CSMD1: variants seen among roughly 807,000 people sequenced by gnomAD.
CSMD1 encodes CUB and sushi domain-containing protein 1.
Under a neutral mutation model 417.5 loss-of-function variants are expected in CSMD1, and 213 were observed. The observed-to-expected ratio is 0.51, with a 90% CI of 0.46 to 0.57. The LOEUF (loss-of-function observed/expected upper bound fraction) is 0.57, where lower values mean the gene tolerates loss of function less well. Ranked by LOEUF, CSMD1 falls within the 20% of genes least tolerant of loss-of-function variation. The pLI is 0.00. For synonymous variants in CSMD1, 2,862 were observed against 1,736.8 expected (o/e 1.65, Z -16.11); for missense variants, 6,923 against 4,529.7 (o/e 1.53, Z -15.17).
Position 2,994,161 on chromosome 8 carries a change from A to AAAAAG in CSMD1, c.8377+3849_8377+3850insCTTTT, listed in dbSNP as rs1326724108. 3.9e-4 allele frequency among the ~76,000 whole-genome samples: 58 copies of AAAAAG among 148,756 alleles called. 4 individuals are homozygous for AAAAAG. The highest frequency in any genetic ancestry group is 1.4e-3 in the African/African-American group (57 of 40,132). ...ACTCCATCTCAAAAAAAAAAAAAAA[A>AAAAAG]AAAAAAAAAAGCAAGAAGAAGAAAG... On this transcript the variant is annotated intron_variant, in intron 54 of 69. Coordinates refer to ENST00000635120, the MANE Select transcript of CSMD1 (RefSeq NM_033225.6).
At position 4,598,394 on chromosome 8, in the gene CSMD1, G is replaced by A. The variant is rs936384660; in HGVS notation, c.302+38948C>T. Among the ~76,000 whole-genome samples, 5 of 152,198 alleles carry A rather than the reference G, an allele frequency of 3.3e-5. No homozygotes were observed. In the East Asian group the frequency reaches 5.8e-4, roughly 18 times the overall value. Reference sequence around the variant, plus strand: ...TAGATATTAGCTCTAACAGGTGGATGCAGCTCTGTCATATAAGGTCATGGA... The same window carrying A: ...TAGATATTAGCTCTAACAGGTGGATACAGCTCTGTCATATAAGGTCATGGA... On this transcript the variant is annotated intron_variant, in intron 2 of 69. Transcript: ENST00000635120.
chr8:4,330,826 A>C (rs556439993), intron 3 of CSMD1, among the ~76,000 whole-genome samples: 1 of 152,202 alleles, frequency 6.6e-6, no homozygotes, highest in South Asian at 2.1e-4. Flanking sequence ...ATTCTTGCAC[A>C]TGCAGCTCAT....
intron 2 of CSMD1, among the ~76,000 whole-genome samples, chr8:4,457,405 T>G (rs1485013935): frequency 6.6e-6 from 1 of 152,124 alleles, no homozygotes; most frequent in African/African-American, 2.4e-5. Context: ...AGGGAATGTT[T>G]ACTAAACTCA....
intron 3 of CSMD1, among the ~76,000 whole-genome samples, chr8:4,043,818 T>C (rs1408165597): frequency 1.3e-5 from 2 of 152,198 alleles, no homozygotes; most frequent in Non-Finnish European, 2.9e-5. Flanking sequence ...CGTCTCCAAA[T>C]GAGGCATCAT....
intron 5 of CSMD1, 38 bp downstream of exon 5, chr8:3,997,865 C>T (rs1037308128): frequency 4.5e-6 from 7 of 1,565,182 alleles, no homozygotes; most frequent in African/African-American, 2.7e-5. Flanking sequence ...GGGGAAAACA[C>T]ACCTGTATCC....
intron 3 of CSMD1, among the ~76,000 whole-genome samples, chr8:4,036,341 G>A (rs1005861665): frequency 7.2e-6 from 1 of 138,222 alleles, no homozygotes; most frequent in Non-Finnish European, 1.6e-5. Flanking sequence ...TTTAAAGAGG[G>A]ACCCCTCCAA....
At chr8:3,823,778 T>G (rs945841505) in intron 5 of CSMD1, among the ~76,000 whole-genome samples, 1 of 152,138 alleles carries the variant, frequency 6.6e-6, no homozygotes, top group Non-Finnish European at 1.5e-5. Flanking sequence ...CTTTTGTCAG[T>G]CTTGGTCAGT....
At chr8:3,656,923 TA>T (rs5888980) in intron 7 of CSMD1, among the ~76,000 whole-genome samples, 228 of 142,356 alleles carry the variant, frequency 1.6e-3, no homozygotes, top group Non-Finnish European at 1.6e-3. Flanking sequence ...AGACTCTGTC[TA>T]AAAAAAAAAA....
chr8:3,691,426 C>A (rs1800239102), intron 7 of CSMD1, among the ~76,000 whole-genome samples: 1 of 152,084 alleles, frequency 6.6e-6, no homozygotes, highest in African/African-American at 2.4e-5. Flanking sequence ...AAAACTGTGT[C>A]AATGAAGAGA....
intron 10 of CSMD1, among the ~76,000 whole-genome samples, chr8:3,503,025 C>A (rs1300236837): frequency 2.6e-5 from 4 of 152,112 alleles, no homozygotes; most frequent in Admixed American, 6.5e-5. Flanking sequence ...GTCTTCTGAT[C>A]AATTTTGCTG....
At chr8:3,181,603 C>T (rs1435228245) in intron 36 of CSMD1, among the ~76,000 whole-genome samples, 1 of 152,090 alleles carries the variant, frequency 6.6e-6, no homozygotes, top group Non-Finnish European at 1.5e-5. Context: ...AGCAGTCGGA[C>T]CCTGTGGATA....
At chr8:4,588,757 C>A (rs1395247657) in intron 2 of CSMD1, among the ~76,000 whole-genome samples, 4 of 143,580 alleles carry the variant, frequency 2.8e-5, no homozygotes, top group Non-Finnish European at 6.1e-5. Flanking sequence ...TGCACTCCAG[C>A]CTGGCGACAG....
chr8:4,919,894 A>G (rs965293940), intron 1 of CSMD1, among the ~76,000 whole-genome samples: 1 of 152,138 alleles, frequency 6.6e-6, no homozygotes, highest in Non-Finnish European at 1.5e-5. Context: ...AGGGTGCAGC[A>G]ACAAGGTATT....
intron 7 of CSMD1, among the ~76,000 whole-genome samples, chr8:3,681,241 G>A (rs1002814860): frequency 4.0e-4 from 61 of 152,192 alleles, no homozygotes; most frequent in Middle Eastern, 3.2e-3. Context: ...AAAAGAGGAA[G>A]TCAAATCGTC....
At chr8:4,824,696 C>A (rs1446592078) in intron 1 of CSMD1, among the ~76,000 whole-genome samples, 7 of 152,128 alleles carry the variant, frequency 4.6e-5, no homozygotes, top group Non-Finnish European at 1.0e-4. Flanking sequence ...TTTCTATCCA[C>A]TGAAATAACT....
At chr8:4,251,180 A>G (rs1405754388) in intron 3 of CSMD1, among the ~76,000 whole-genome samples, 1 of 152,198 alleles carries the variant, frequency 6.6e-6, no homozygotes, top group Non-Finnish European at 1.5e-5. Context: ...AAAGGAATAT[A>G]ATAGAAAGTG....
rs539563469 is a variant in CSMD1 at position 2,951,049 on chromosome 8, C to G, written c.10201+65G>C. On this transcript the variant is annotated intron_variant, in intron 66 of 69. Transcript: ENST00000635120. ...ACTTAATACTTACTAGATCACCTCT[C>G]TGTGAAAAGATAACAGGTCTATTTC... 5.3e-6 allele frequency: 8 copies of G among 1,515,274 alleles called. No homozygotes were observed. In the African/African-American group the frequency reaches 9.7e-5, roughly 18 times the overall value. The allele number at this position is 1,515,274 out of a possible 1,614,324, so 93.9% of individuals were successfully genotyped here.
chr8:3,195,349 T>C (rs531707416), intron 33 of CSMD1, among the ~76,000 whole-genome samples: 1 of 152,284 alleles, frequency 6.6e-6, no homozygotes, highest in African/African-American at 2.4e-5. Flanking sequence ...TCTGCCTCTC[T>C]TGGCCTCTGT....
At chr8:4,614,476 C>T (rs1801361946) in intron 2 of CSMD1, among the ~76,000 whole-genome samples, 1 of 152,096 alleles carries the variant, frequency 6.6e-6, no homozygotes, top group South Asian at 2.1e-4. Flanking sequence ...AATTATGTCA[C>T]CTCTAAACTG....
Sources: gnomAD v4.1 joint callset for allele counts (sites outside exome capture counted in the v4.1 genomes callset) on GRCh38, gnomAD v4.1.1 for gene constraint, MANE v1.5 for transcripts, NCBI Gene and HGNC (gene_info 2026-07-23, HGNC 2026-07-21) for gene names.